MYO5A: variants seen among roughly 807,000 people sequenced by gnomAD.
MYO5A encodes the protein unconventional myosin-Va.
MYO5A carries 98 observed loss-of-function variants against 249.7 expected under a neutral mutation model. The observed-to-expected ratio is 0.39, with a 90% CI of 0.33 to 0.46. The LOEUF (loss-of-function observed/expected upper bound fraction) is 0.46. Ranked by LOEUF, MYO5A falls within the 20% of genes least tolerant of loss-of-function variation. The pLI, the probability that MYO5A is intolerant of heterozygous loss-of-function variation, is 0.98. For missense variants in MYO5A, 1,696 were observed against 2,308.8 expected (o/e 0.73, Z 5.44); for synonymous variants, 778 against 810.6 (o/e 0.96, Z 0.68).
At chr15:52,430,146 A>C (rs2075494449) in intron 2 of MYO5A, among the ~76,000 whole-genome samples, 1 of 152,176 alleles carries the variant, frequency 6.6e-6, no homozygotes, top group South Asian at 2.1e-4. Context: ...AAAAATTAAC[A>C]ATTTACCACT....
chr15:52,512,940 A>G (rs2077422721), intron 1 of MYO5A, among the ~76,000 whole-genome samples: 1 of 149,898 alleles, frequency 6.7e-6, no homozygotes, highest in African/African-American at 2.5e-5. Context: ...ATGCTGGTAA[A>G]CAGGTTGCAG....
chr15:52,328,309 A>G (rs2038708164), intron 35 of MYO5A, among the ~76,000 whole-genome samples: 1 of 152,132 alleles, frequency 6.6e-6, no homozygotes, highest in Non-Finnish European at 1.5e-5. Context: ...CTCCCAAACC[A>G]AATTCTTGCT....
rs374830068 is a variant in MYO5A at position 52,353,609 on chromosome 15, A to C, written c.3617T>G (p.Leu1206Arg). 3 of 1,613,870 alleles carry C rather than the reference A, an allele frequency of 1.9e-6. No individual in the cohort carries two copies. Among genetic ancestry groups the C allele is most frequent in the Non-Finnish European group, 2.5e-6 (3 of 1,179,714 alleles). The change falls in exon 27 of 42, where the codon CTC becomes CGC. Residue 1206 changes from leucine to arginine, a missense_variant. Leu to Arg is a moderately radical substitution (Grantham distance 102). Coordinates refer to ENST00000399233, the MANE Select transcript of MYO5A (RefSeq NM_001382347.1). ...TGAGCAGAAACTCCCCATTACCTTGAGTGACTCATATTCCAGTTCTGCACC... is the reference window on the plus strand; with the variant it reads ...TGAGCAGAAACTCCCCATTACCTTGCGTGACTCATATTCCAGTTCTGCACC... ...IRGAELEYES[L>R]KRQELESENK...
rs2076150297 is a variant in MYO5A at position 52,457,819 on chromosome 15, T to C, written c.28-24534A>G. Reference sequence around the variant, plus strand: ...AAGCATATCTGCACCCTCATGTTTATTGCAGTACTATTAACAATAGCTACG... The same window carrying C: ...AAGCATATCTGCACCCTCATGTTTACTGCAGTACTATTAACAATAGCTACG... On this transcript the variant is annotated intron_variant, in intron 1 of 41. Transcript: ENST00000399233. Among the ~76,000 whole-genome samples, 3 of 152,206 alleles carry C rather than the reference T, an allele frequency of 2.0e-5. No individual in the cohort carries two copies. The South Asian group carries it at 6.2e-4, about 32-fold the overall frequency.
At chr15:52,432,815 T>C (rs1343830330) in intron 2 of MYO5A, among the ~76,000 whole-genome samples, 1 of 152,166 alleles carries the variant, frequency 6.6e-6, no homozygotes, top group Non-Finnish European at 1.5e-5. Context: ...CTGCCACCAA[T>C]GAGTCTCCTC....
chr15:52,523,880 T>C (rs1235453436), intron 1 of MYO5A, among the ~76,000 whole-genome samples: 1 of 149,736 alleles, frequency 6.7e-6, no homozygotes, highest in East Asian at 1.9e-4. Context: ...GAGATTTCTG[T>C]TCCTCTTTAA....
intron 1 of MYO5A, among the ~76,000 whole-genome samples, chr15:52,524,846 T>A (rs1288821242): frequency 6.6e-6 from 1 of 150,868 alleles, no homozygotes; most frequent in Non-Finnish European, 1.5e-5. Context: ...CCAGCCTGGG[T>A]GACACAGTGA....
At chr15:52,409,814 T>C (rs1236822514) in intron 6 of MYO5A, among the ~76,000 whole-genome samples, 1 of 151,780 alleles carries the variant, frequency 6.6e-6, no homozygotes, top group Non-Finnish European at 1.5e-5. Context: ...AGAGCATATA[T>C]GTGGATGTAA....
chr15:52,355,494 T>A (rs1448243041), intron 25 of MYO5A, among the ~76,000 whole-genome samples: 1 of 152,248 alleles, frequency 6.6e-6, no homozygotes, highest in Non-Finnish European at 1.5e-5. Context: ...GAAATAGACA[T>A]AAAGCCCAGC....
chr15:52,488,502 TC>T (rs2141526108), intron 1 of MYO5A, among the ~76,000 whole-genome samples: 1 of 152,316 alleles, frequency 6.6e-6, no homozygotes, highest in African/African-American at 2.4e-5. Context: ...CTGGTGCTAG[TC>T]CCTAGACCTA....
intron 1 of MYO5A, among the ~76,000 whole-genome samples, chr15:52,510,770 C>G (rs1178573712): frequency 6.6e-6 from 1 of 152,196 alleles, no homozygotes; most frequent in Non-Finnish European, 1.5e-5. Context: ...AACTGTCTTC[C>G]ATGAAACTGG....
chr15:52,410,085 T>C (rs2043183810), intron 6 of MYO5A, among the ~76,000 whole-genome samples: 1 of 152,156 alleles, frequency 6.6e-6, no homozygotes, highest in Non-Finnish European at 1.5e-5. Context: ...AACTAAGCTT[T>C]CCCGCAAGCA....
At chr15:52,330,550 T>C (rs775483160) in intron 34 of MYO5A, 51 bp from the exon 35 acceptor site, 1 of 1,603,894 alleles carries the variant, frequency 6.2e-7, no homozygotes, top group East Asian at 2.2e-5. Flanking sequence ...ATAAAAAACA[T>C]GAGAGGTCTC....
intron 24 of MYO5A, among the ~76,000 whole-genome samples, chr15:52,363,847 T>C (rs1199987415): frequency 6.6e-6 from 1 of 152,230 alleles, no homozygotes; most frequent in African/African-American, 2.4e-5. Flanking sequence ...TCATTACAAA[T>C]GGAGTCTGAA....
chr15:52,474,714 C>T (rs8027927), intron 1 of MYO5A, among the ~76,000 whole-genome samples: 119,839 of 152,142 alleles, frequency 0.79, 47,639 homozygotes, highest in South Asian at 0.84. Context: ...TATGTTGAAC[C>T]AGCCTTGCAT....
rs376388906 is a variant in MYO5A, at chr15:52,344,918, AC to A, written c.3959+1442del. ...TAAGTGGATGGAAGAACATTGTGAT[AC>A]AATACAGTTCTTTCTATATTAACAC... On this transcript the variant is annotated intron_variant, in intron 30 of 41. Transcript: ENST00000399233. Among the ~76,000 whole-genome samples the A allele has an allele frequency of 1.9e-3, 294 of 152,390 alleles. 3 individuals are homozygous for A. Among genetic ancestry groups the A allele is most frequent in the African/African-American group, 6.9e-3 (285 of 41,594 alleles).
chr15:52,323,254 G>A, intron 37 of MYO5A, 101 bp downstream of exon 37: 2 of 1,005,362 alleles, frequency 2.0e-6, no homozygotes, highest in Non-Finnish European at 3.1e-6. Context: ...CTGAATTTGG[G>A]TTCCTAAATA....
chr15:52,449,267 C>A, intron 1 of MYO5A, among the ~76,000 whole-genome samples: 1 of 152,044 alleles, frequency 6.6e-6, no homozygotes. Context: ...CTGCGCCCGG[C>A]CTCAGGTATT....
intron 1 of MYO5A, among the ~76,000 whole-genome samples, chr15:52,445,168 C>T (rs576018804): frequency 5.3e-5 from 8 of 152,188 alleles, no homozygotes; most frequent in Non-Finnish European, 1.2e-4. Context: ...GTATTTGAAT[C>T]ATGTGGGCAG....
Sources: allele counts gnomAD v4.1 joint callset (sites outside exome capture counted in the v4.1 genomes callset), GRCh38; gene constraint gnomAD v4.1.1; transcripts MANE v1.5; gene names NCBI Gene and HGNC (gene_info 2026-07-23, HGNC 2026-07-21).